FAM227B: variants seen among roughly 807,000 people sequenced by gnomAD.
FAM227B encodes family with sequence similarity 227 member B, also known as protein FAM227B.
A neutral mutation model predicts 73.8 loss-of-function variants in FAM227B; 88 were observed. That is an observed-to-expected ratio of 1.19 (90% CI 1.00 to 1.42). The LOEUF is 1.42. Ranked by LOEUF, FAM227B falls within the 40% of genes most tolerant of loss-of-function variation. The pLI, the probability that FAM227B is intolerant of heterozygous loss-of-function variation, is 0.00. For missense variants in FAM227B, 632 were observed against 590.9 expected, an observed-to-expected ratio of 1.07 and a Z score of -0.72; for synonymous variants, 210 against 190.5, an observed-to-expected ratio of 1.10 and a Z score of -0.84.
chr15:49,525,665 AATATATATATATATATATATATATAT>A (rs57123974), intron 10 of FAM227B, among the ~76,000 whole-genome samples: 1,344 of 81,498 alleles, frequency 0.016, 52 homozygotes, highest in African/African-American at 0.052. Context: ...AGGGTGGAGA[AATATATATATATATATATATATATAT>A]ATATATATAT....
chr15:49,521,296 G>A (rs376538722), intron 10 of FAM227B, among the ~76,000 whole-genome samples: 2 of 152,184 alleles, frequency 1.3e-5, no homozygotes, highest in East Asian at 3.9e-4. Context: ...CCTTAGCATG[G>A]GCTGCCCCAA....
At chr15:49,462,918 A>C (rs1017389816) in intron 11 of FAM227B, among the ~76,000 whole-genome samples, 1 of 152,218 alleles carries the variant, frequency 6.6e-6, no homozygotes, top group African/African-American at 2.4e-5. Context: ...TTATACATTC[A>C]ATTTTGGCAG....
At chr15:49,603,206 T>C (rs1458548252) in intron 3 of FAM227B, among the ~76,000 whole-genome samples, 2 of 152,204 alleles carry the variant, frequency 1.3e-5, no homozygotes, top group Admixed American at 1.3e-4. Context: ...TGATAGGGAT[T>C]GCATTACATC....
chr15:49,581,884 C>A (rs1479158055), intron 5 of FAM227B, among the ~76,000 whole-genome samples: 1 of 152,132 alleles, frequency 6.6e-6, no homozygotes, highest in Non-Finnish European at 1.5e-5. Flanking sequence ...TGCATAATAA[C>A]AAACTAACAA....
At chr15:49,492,647 G>A (rs1212765205) in intron 11 of FAM227B, among the ~76,000 whole-genome samples, 1 of 151,404 alleles carries the variant, frequency 6.6e-6, no homozygotes, top group East Asian at 1.9e-4. Context: ...AAATAATATT[G>A]GAATTTTTAT....
intron 10 of FAM227B, among the ~76,000 whole-genome samples, chr15:49,518,158 T>A (rs2059512943): frequency 6.6e-6 from 1 of 152,226 alleles, no homozygotes; most frequent in South Asian, 2.1e-4. Flanking sequence ...CTGGAAGTCA[T>A]ACATATTCTG....
chr15:49,383,697 G>C (rs1298311488), intron 11 of FAM227B, among the ~76,000 whole-genome samples: 2 of 151,992 alleles, frequency 1.3e-5, no homozygotes, highest in Non-Finnish European at 2.9e-5. Context: ...AACCTCAGTA[G>C]ATAACAGATG....
chr15:49,619,113 C>T (rs1665822596), intron 1 of FAM227B, among the ~76,000 whole-genome samples: 1 of 152,048 alleles, frequency 6.6e-6, no homozygotes, highest in Non-Finnish European at 1.5e-5. Flanking sequence ...AACATCTGGC[C>T]TTGAATTTAA....
chr15:49,337,238 G>A (rs1428764485), intron 13 of FAM227B, among the ~76,000 whole-genome samples: 1 of 152,182 alleles, frequency 6.6e-6, no homozygotes, highest in Non-Finnish European at 1.5e-5. Flanking sequence ...TTGAACGGTA[G>A]TTCTGTTTTA....
intron 13 of FAM227B, among the ~76,000 whole-genome samples, chr15:49,342,633 A>G (rs945983794): frequency 1.3e-5 from 2 of 152,056 alleles, no homozygotes; most frequent in Non-Finnish European, 2.9e-5. Context: ...ATCTGTGGCT[A>G]TATATTCAAG....
chr15:49,531,718 G>A (rs2060622802), intron 10 of FAM227B, among the ~76,000 whole-genome samples: 2 of 151,894 alleles, frequency 1.3e-5, no homozygotes, highest in African/African-American at 4.8e-5. Flanking sequence ...AAGAGGCCCA[G>A]TGTTTCTCTC....
chr15:49,489,258 G>T (rs1487723379), intron 11 of FAM227B: 1 of 985,028 alleles, frequency 1.0e-6, no homozygotes, highest in East Asian at 1.1e-4. Flanking sequence ...CATAAACTGG[G>T]ATTCTACAGG....
intron 13 of FAM227B, among the ~76,000 whole-genome samples, chr15:49,336,019 T>C (rs1427141893): frequency 1.3e-5 from 2 of 152,140 alleles, no homozygotes; most frequent in Non-Finnish European, 2.9e-5. Context: ...CAGACTGGTC[T>C]TGAACTTCAA....
chr15:49,419,791 T>C (rs28733345), intron 11 of FAM227B, among the ~76,000 whole-genome samples: 2 of 152,060 alleles, frequency 1.3e-5, no homozygotes, highest in Non-Finnish European at 2.9e-5. Context: ...TTATTTTTTA[T>C]TTTTGTATAG....
chr15:49,509,717 C>A (rs1032304087), intron 10 of FAM227B, among the ~76,000 whole-genome samples: 9 of 151,718 alleles, frequency 5.9e-5, no homozygotes, highest in African/African-American at 2.2e-4. Context: ...TATAGAGCCA[C>A]AACACTCGAA....
At chr15:49,369,958 A>G (rs1335460793) in intron 12 of FAM227B, among the ~76,000 whole-genome samples, 2 of 152,172 alleles carry the variant, frequency 1.3e-5, no homozygotes, top group Admixed American at 6.5e-5. Context: ...GAGGTTGTCA[A>G]TGATGGAATT....
chr15:49,598,052 G>T (rs2076981942), intron 3 of FAM227B, among the ~76,000 whole-genome samples: 1 of 151,814 alleles, frequency 6.6e-6, no homozygotes, highest in Non-Finnish European at 1.5e-5. Flanking sequence ...ATTCAAAGAA[G>T]AATTGGTACC....
intron 9 of FAM227B, 58 bp downstream of exon 9, chr15:49,568,187 T>A: frequency 7.1e-7 from 1 of 1,415,720 alleles, no homozygotes; most frequent in Non-Finnish European, 9.7e-7. Flanking sequence ...AAATAACGAT[T>A]TTTTCTATTT....
At chr15:49,594,764 GT>G (rs1396633655) in intron 3 of FAM227B, among the ~76,000 whole-genome samples, 3 of 152,028 alleles carry the variant, frequency 2.0e-5, no homozygotes, top group Admixed American at 6.6e-5. Context: ...AAGGTTCTCT[GT>G]TCTGTCCATT....
Sources: allele counts gnomAD v4.1 joint callset (sites outside exome capture counted in the v4.1 genomes callset), GRCh38; gene constraint gnomAD v4.1.1; transcripts MANE v1.5; gene names NCBI Gene and HGNC (gene_info 2026-07-23, HGNC 2026-07-21).